Variants in NOP58 observed in about 807,000 individuals in gnomAD.
NOP58 encodes the protein NOP58 ribonucleoprotein, also known as nucleolar protein 58.
NOP58 carries 44 observed loss-of-function variants against 71.2 expected under a neutral mutation model. That is an observed-to-expected ratio of 0.62 (90% confidence interval 0.49 to 0.79). NOP58 has a LOEUF of 0.79. Ranked by LOEUF, NOP58 falls within the 30% of genes least tolerant of loss-of-function variation. The probability of loss-of-function intolerance (pLI) is 0.00; values close to 1 mark genes in which losing one functional copy is unlikely to be tolerated. For missense variants in NOP58, 538 were observed against 620.2 expected, an observed-to-expected ratio of 0.87 and a Z score of 1.41; for synonymous variants, 228 against 200.3, an observed-to-expected ratio of 1.14 and a Z score of -1.17.
intron 1 of NOP58, among the ~76,000 whole-genome samples, chr2:202,273,001 G>T (rs1688534750): frequency 6.6e-6 from 1 of 152,252 alleles, no homozygotes; most frequent in Non-Finnish European, 1.5e-5. Flanking sequence ...AGGTGTGGTG[G>T]CAGGCGCCTG....
At chr2:202,296,074 C>A (rs943797420) in intron 10 of NOP58, among the ~76,000 whole-genome samples, 1 of 151,882 alleles carries the variant, frequency 6.6e-6, no homozygotes, top group African/African-American at 2.4e-5. Flanking sequence ...TTTTTTTCCC[C>A]CCTAGAATCT....
chr2:202,302,918 C>G lies in NOP58; in HGVS notation c.1403-3C>G. ...GTTGTGCCTTTACACTTACCCTATTCAGTTGAAGAAGAGGAAGAAGAAAAA... is the reference window on the plus strand; with the variant it reads ...GTTGTGCCTTTACACTTACCCTATTGAGTTGAAGAAGAGGAAGAAGAAAAA... On this transcript the variant is annotated splice_region_variant and splice_polypyrimidine_tract_variant and intron_variant, in intron 13 of 14. Transcript: ENST00000264279. The G allele has an allele frequency of 1.9e-6, 3 of 1,601,228 alleles. No homozygotes were observed. Among genetic ancestry groups the G allele is most frequent in the Non-Finnish European group, 2.5e-6 (3 of 1,178,930 alleles).
intron 12 of NOP58, 100 bp downstream of exon 12, chr2:202,298,006 T>G: frequency 2.8e-6 from 2 of 717,486 alleles, no homozygotes; most frequent in Non-Finnish European, 4.4e-6. Context: ...TGCCCATAGT[T>G]TTTTCAAATT....
intron 1 of NOP58, among the ~76,000 whole-genome samples, chr2:202,272,277 C>T (rs1165985185): frequency 6.6e-6 from 1 of 151,750 alleles, no homozygotes; most frequent in African/African-American, 2.4e-5. Context: ...CTCAGCCTCC[C>T]GAGTAGCTGG....
intron 1 of NOP58, among the ~76,000 whole-genome samples, chr2:202,266,675 C>T (rs569697003): frequency 6.6e-6 from 1 of 152,150 alleles, no homozygotes; most frequent in African/African-American, 2.4e-5. Context: ...GGTTACTCTG[C>T]TGTGTGGAGA....
In NOP58 at chr2:202,297,775, A is replaced by G. The variant is rs373621112; in HGVS notation, c.1207-70A>G. On this transcript the variant is annotated intron_variant, in intron 11 of 14. Transcript: ENST00000264279. ...CTGTTTGCTGGCCCACTGATTCACT[A>G]GACTGTATAGTGTATTATAAAGAGA... 6 of 966,022 alleles carry G rather than the reference A, an allele frequency of 6.2e-6. No individual in the cohort carries two copies. In the African/African-American group the frequency reaches 8.3e-5, roughly 13 times the overall value. The allele number at this position is 966,022 out of a possible 1,614,324, so 59.8% of individuals were successfully genotyped here. A position where few individuals can be genotyped will look rare whatever the true frequency, so the allele number is the denominator to read the frequency against.
Position 202,290,357 on chromosome 2 carries a change from C to G in NOP58, c.534C>G (p.Asn178Lys), listed in dbSNP as rs1429446267. The G allele has an allele frequency of 6.2e-7, 1 of 1,608,090 alleles. No homozygotes were observed. ...ATGACTTGGATAAAGAACTAAACAA[C>G]TACATTATGCGATGTAGAGAATGGT... ...LLDDLDKELN[N>K]YIMRCREWYG... The change falls in exon 7 of 15, where the codon AAC becomes AAG. Residue 178 changes from asparagine to lysine, a missense_variant. Physicochemically the swap from Asn to Lys is moderately conservative, Grantham distance 94 (BLOSUM62 0). Coordinates refer to ENST00000264279, the MANE Select transcript of NOP58 (RefSeq NM_015934.5).
At chr2:202,276,791 T>C (rs1051359082) in intron 2 of NOP58, among the ~76,000 whole-genome samples, 1 of 152,056 alleles carries the variant, frequency 6.6e-6, no homozygotes, top group African/African-American at 2.4e-5. Flanking sequence ...TGAGCTGTGA[T>C]TGCACCACTG....
At chr2:202,269,014 G>C (rs535431386) in intron 1 of NOP58, among the ~76,000 whole-genome samples, 1 of 151,984 alleles carries the variant, frequency 6.6e-6, no homozygotes, top group South Asian at 2.1e-4. Flanking sequence ...TTTTGAGGCA[G>C]GGTCTTGCTC....
chr2:202,276,405 T>A (rs757570107), intron 2 of NOP58: 8 of 482,946 alleles, frequency 1.7e-5, no homozygotes, highest in African/African-American at 3.9e-5. Context: ...TCTTAAAGGG[T>A]TATATGCTTT....
At chr2:202,288,956 TA>T (rs1688837977) in intron 6 of NOP58, among the ~76,000 whole-genome samples, 1 of 151,898 alleles carries the variant, frequency 6.6e-6, no homozygotes, top group African/African-American at 2.4e-5. Flanking sequence ...CTGTCTTTAC[TA>T]AAAATACAAA....
At chr2:202,271,720 A>T (rs538896417) in intron 1 of NOP58, among the ~76,000 whole-genome samples, 3 of 152,186 alleles carry the variant, frequency 2.0e-5, no homozygotes, top group Non-Finnish European at 4.4e-5. Context: ...AGGCAAGAGG[A>T]TCACTTGAGT....
At chr2:202,275,495 C>A in intron 2 of NOP58, 1 of 223,438 alleles carries the variant, frequency 4.5e-6, no homozygotes, top group East Asian at 1.0e-4. Flanking sequence ...CATTTGTCTT[C>A]GTGTCTTCCA....
At chr2:202,289,779 A>G (rs1688855575) in intron 6 of NOP58, among the ~76,000 whole-genome samples, 1 of 152,146 alleles carries the variant, frequency 6.6e-6, no homozygotes, top group African/African-American at 2.4e-5. Flanking sequence ...AAAGATAACT[A>G]GAGGTTGGGG....
At chr2:202,294,020 G>A (rs1217045826) in intron 9 of NOP58, among the ~76,000 whole-genome samples, 1 of 151,636 alleles carries the variant, frequency 6.6e-6, no homozygotes, top group Non-Finnish European at 1.5e-5. Context: ...GTTAATAGAA[G>A]TATGTATTTG....
chr2:202,291,016 T>C (rs1688878004), intron 7 of NOP58, 109 bp from the exon 8 acceptor site: 1 of 994,650 alleles, frequency 1.0e-6, no homozygotes, highest in South Asian at 2.0e-5. Flanking sequence ...TTTTGTTTTG[T>C]TTAGGCATCC....
chr2:202,287,064 C>CTTTT (rs11326861), intron 5 of NOP58, among the ~76,000 whole-genome samples: 16 of 110,718 alleles, frequency 1.4e-4, no homozygotes, highest in Non-Finnish European at 2.4e-4. Flanking sequence ...ACCAATATGG[C>CTTTT]TTTTTTTTTT....
chr2:202,282,409 A>C lies in NOP58; in HGVS notation c.234A>C (p.Lys78Asn). 6.2e-7 allele frequency: 1 copy of C among 1,613,766 alleles called. No individual in the cohort carries two copies. Among genetic ancestry groups the C allele is most frequent in the South Asian group, 1.1e-5 (1 of 90,972 alleles). Residue 78 changes from lysine to asparagine, a missense_variant, in exon 4 of 15, where the codon AAA becomes AAC. By Grantham distance (94) the Lys-to-Asn change is moderately conservative (BLOSUM62 0). Coordinates refer to ENST00000264279, the MANE Select transcript of NOP58 (RefSeq NM_015934.5). ...INKQLKKVLKKIVKEAHEPLA... is the reference protein window; with the variant it reads ...INKQLKKVLKNIVKEAHEPLA... ...AGCAGCTGAAAAAAGTTCTGAAGAA[A>C]ATAGTAAAAGAAGCCCATGAACCGC...
intron 3 of NOP58, among the ~76,000 whole-genome samples, chr2:202,281,196 G>A (rs569320154): frequency 6.7e-6 from 1 of 150,248 alleles, no homozygotes; most frequent in African/African-American, 2.5e-5. Context: ...GCAATGTCAC[G>A]GTATCACTTT....
Sources: allele counts gnomAD v4.1 joint callset (sites outside exome capture counted in the v4.1 genomes callset), GRCh38; gene constraint gnomAD v4.1.1; transcripts MANE v1.5; gene names NCBI Gene and HGNC (gene_info 2026-07-23, HGNC 2026-07-21).